STK32A: variants seen among roughly 807,000 people sequenced by gnomAD.
STK32A encodes serine/threonine kinase 32A.
STK32A carries 41 observed loss-of-function variants against 53.2 expected under a neutral mutation model. The observed-to-expected ratio is 0.77, with a 90% CI of 0.60 to 1.00. The LOEUF (loss-of-function observed/expected upper bound fraction) is 1.00, where lower values mean the gene tolerates loss of function less well. STK32A is among the 50% of genes least tolerant of loss of function. The pLI is 0.00. For missense variants in STK32A, 458 were observed against 485.8 expected (o/e 0.94, Z 0.54); for synonymous variants, 166 against 162.8 (o/e 1.02, Z -0.15).
intron 4 of STK32A, among the ~76,000 whole-genome samples, chr5:147,280,666 C>A (rs775505015): frequency 2.6e-5 from 4 of 151,734 alleles, no homozygotes; most frequent in Middle Eastern, 3.4e-3. Flanking sequence ...AGCTCAGAGA[C>A]ACCTAGCCCT....
At chr5:147,348,821 T>A (rs950395379) in intron 6 of STK32A, 25 of 713,468 alleles carry the variant, frequency 3.5e-5, no homozygotes, top group Non-Finnish European at 7.9e-6. Context: ...AACGCTTACT[T>A]CTTGCCAAAT....
chr5:147,373,110 GA>G (rs1757072040), intron 9 of STK32A, 58 bp from the exon 10 acceptor site: 4 of 1,596,226 alleles, frequency 2.5e-6, no homozygotes, highest in African/African-American at 1.4e-5. Flanking sequence ...GAATTTGTAT[GA>G]TTTTTTTTTG....
intron 5 of STK32A, among the ~76,000 whole-genome samples, chr5:147,342,039 C>T (rs531853174): frequency 1.8e-4 from 28 of 152,224 alleles, no homozygotes; most frequent in African/African-American, 5.3e-4. Flanking sequence ...TACTTTATAA[C>T]AGCCCTCACT....
intron 10 of STK32A, among the ~76,000 whole-genome samples, chr5:147,374,751 C>T (rs926621545): frequency 6.6e-6 from 1 of 152,106 alleles, no homozygotes; most frequent in Non-Finnish European, 1.5e-5. Context: ...GGTTGGAGAA[C>T]TGGGAAGCTG....
chr5:147,376,588 C>T (rs565336215), intron 11 of STK32A, among the ~76,000 whole-genome samples: 140 of 152,204 alleles, frequency 9.2e-4, no homozygotes, highest in Admixed American at 2.9e-3. Context: ...CATGATCTGC[C>T]CATCTTTCCT....
At chr5:147,294,251 C>A (rs1421318417) in intron 4 of STK32A, among the ~76,000 whole-genome samples, 2 of 152,178 alleles carry the variant, frequency 1.3e-5, no homozygotes, top group African/African-American at 2.4e-5. Context: ...CTTGCTTAAA[C>A]CTTCAGTTTT....
chr5:147,373,264 G>A lies in STK32A; in HGVS notation c.873G>A (p.Gln291=), dbSNP rs1757081749. Residue 291 remains glutamine, a synonymous_variant, in exon 10 of 13, where the codon CAG becomes CAA. Transcript: ENST00000397936. ...MNDINWDAVF[Q]KRLIPGFIPN... ...ATATAAACTGGGATGCAGTTTTTCAGAAGAGGCTCATTCCAGGTTTCATTC... is the reference window on the plus strand; with the variant it reads ...ATATAAACTGGGATGCAGTTTTTCAAAAGAGGCTCATTCCAGGTTTCATTC... 3 of 1,613,272 alleles carry A rather than the reference G, an allele frequency of 1.9e-6. No individual in the cohort carries two copies. Among genetic ancestry groups the A allele is most frequent in the South Asian group, 2.2e-5 (2 of 91,074 alleles).
In STK32A at chr5:147,273,280, C is replaced by T. The variant is rs1326271285; in HGVS notation, c.53-4844C>T. On this transcript the variant is annotated intron_variant, in intron 2 of 12. Transcript: ENST00000397936. ...AGGGAAAGACTTGGAAACCTTGATT[C>T]AACATATAATTCTAAAAAGAGACAG... is the stretch of plus-strand genomic sequence containing the variant. Among the ~76,000 whole-genome samples, 5 of 152,262 alleles carry T rather than the reference C, an allele frequency of 3.3e-5. No homozygotes were observed. The East Asian group carries it at 9.7e-4, about 29-fold the overall frequency.
At chr5:147,318,022 CCCA>C (rs1754090905) in intron 4 of STK32A, among the ~76,000 whole-genome samples, 1 of 151,952 alleles carries the variant, frequency 6.6e-6, no homozygotes, top group South Asian at 2.1e-4. Flanking sequence ...GATTTATAAT[CCCA>C]CCATTTATGT....
intron 4 of STK32A, among the ~76,000 whole-genome samples, chr5:147,307,438 T>C (rs1297623459): frequency 6.6e-6 from 1 of 151,930 alleles, no homozygotes; most frequent in Non-Finnish European, 1.5e-5. Context: ...CTGGCCAACA[T>C]GGTGAAACAC....
chr5:147,384,336 G>T lies in STK32A; in HGVS notation c.*353G>T. 1.4e-6 allele frequency: 2 copies of T among 1,461,508 alleles called. No homozygotes were observed. Among genetic ancestry groups the T allele is most frequent in the Non-Finnish European group, 9.1e-7 (1 of 1,098,700 alleles). The allele number at this position is 1,461,508 out of a possible 1,614,324, so 90.5% of individuals were successfully genotyped here. On this transcript the variant is annotated 3_prime_UTR_variant, in exon 13 of 13. Coordinates refer to ENST00000397936, the MANE Select transcript of STK32A (RefSeq NM_001112724.2). ...TATTTTTATTTTAAAATTAATATAT[G>T]AATATAGATTTATTTTTCCACTCCT...
intron 5 of STK32A, among the ~76,000 whole-genome samples, chr5:147,340,244 C>T (rs1386819817): frequency 2.0e-5 from 3 of 152,116 alleles, no homozygotes; most frequent in Admixed American, 6.5e-5. Context: ...AAAAACAGTC[C>T]TGCTGATTAC....
chr5:147,387,971 G>A (rs1353689487), downstream of STK32A: 1 of 152,182 alleles, frequency 6.6e-6, no homozygotes, highest in African/African-American at 2.4e-5. Context: ...ATTTCCTATT[G>A]TGAGGAATGT....
chr5:147,361,603 C>T lies in STK32A; in HGVS notation c.649C>T (p.Leu217=). Residue 217 remains leucine, a synonymous_variant, in exon 8 of 13, where the codon CTG becomes TTG. Transcript: ENST00000397936. ...WSLGVTAYEL[L]RGRRPYHIRS... Reference sequence around the variant, plus strand: ...CCTGGGAGTGACGGCATATGAACTGCTGAGAGGCCGGGTACTGTAGTAGCA... The same window carrying T: ...CCTGGGAGTGACGGCATATGAACTGTTGAGAGGCCGGGTACTGTAGTAGCA... The T allele has an allele frequency of 6.2e-7, 1 of 1,610,564 alleles. No individual in the cohort carries two copies. Among genetic ancestry groups the T allele is most frequent in the Non-Finnish European group, 8.5e-7 (1 of 1,177,162 alleles).
intron 5 of STK32A, among the ~76,000 whole-genome samples, chr5:147,337,955 A>G (rs1018332078): frequency 1.3e-5 from 2 of 152,190 alleles, no homozygotes; most frequent in Admixed American, 6.5e-5. Context: ...TTGGTGTGGG[A>G]CGGATGAAAA....
chr5:147,239,468 C>A, intron 1 of STK32A, 71 bp from the exon 2 acceptor site: 1 of 540,692 alleles, frequency 1.8e-6, no homozygotes, highest in Non-Finnish European at 3.3e-6. Context: ...TTTATGTTTC[C>A]GCCACAGTCT....
chr5:147,324,425 A>G (rs2151978391), intron 5 of STK32A, among the ~76,000 whole-genome samples: 1 of 152,320 alleles, frequency 6.6e-6, no homozygotes, highest in South Asian at 2.1e-4. Flanking sequence ...TAGAATGAAA[A>G]GAAAGAAAGT....
At chr5:147,290,726 C>T (rs532684163) in intron 4 of STK32A, among the ~76,000 whole-genome samples, 1 of 152,262 alleles carries the variant, frequency 6.6e-6, no homozygotes, top group Non-Finnish European at 1.5e-5. Flanking sequence ...AAGGTCCTTT[C>T]AGACTCTGAA....
At chr5:147,236,785 C>T (rs150302699) in intron 1 of STK32A, among the ~76,000 whole-genome samples, 79 of 152,180 alleles carry the variant, frequency 5.2e-4, no homozygotes, top group African/African-American at 1.9e-3. Flanking sequence ...TGGAAAATTG[C>T]GATAATATTC....
Sources: allele counts gnomAD v4.1 joint callset (sites outside exome capture counted in the v4.1 genomes callset), GRCh38; gene constraint gnomAD v4.1.1; transcripts MANE v1.5; gene names NCBI Gene and HGNC (gene_info 2026-07-23, HGNC 2026-07-21).